Variants in RPH3A observed in about 807,000 individuals in gnomAD.
The protein encoded by RPH3A is rabphilin-3A.
RPH3A carries 48 observed loss-of-function variants against 102.2 expected under a neutral mutation model. The ratio of observed to expected loss-of-function variants is 0.47; its 90% CI spans 0.37 to 0.60. The LOEUF (loss-of-function observed/expected upper bound fraction) is 0.60. Among genes scored for constraint, RPH3A ranks in the 20% least tolerant of loss-of-function variants. The pLI, the probability that RPH3A is intolerant of heterozygous loss-of-function variation, is 0.00. For missense variants in RPH3A, 781 were observed against 910.1 expected (o/e 0.86, Z 1.83); for synonymous variants, 310 against 324.3 (o/e 0.96, Z 0.47).
chr12:112,750,806 G>T (rs1300803611), intron 1 of RPH3A, among the ~76,000 whole-genome samples: 2 of 152,158 alleles, frequency 1.3e-5, no homozygotes. Flanking sequence ...ATGGGTTCAG[G>T]GGGAGCACAT....
chr12:112,661,272 GA>G (rs2040047035), intron 1 of RPH3A, among the ~76,000 whole-genome samples: 1 of 152,132 alleles, frequency 6.6e-6, no homozygotes, highest in Non-Finnish European at 1.5e-5. Flanking sequence ...GTGCAAAATA[GA>G]AGTGTGGGAT....
intron 2 of RPH3A, among the ~76,000 whole-genome samples, chr12:112,812,428 A>G (rs573078270): frequency 2.6e-5 from 4 of 152,238 alleles, no homozygotes; most frequent in Non-Finnish European, 5.9e-5. Context: ...AAATACATTA[A>G]AAATTCAGAG....
chr12:112,863,077 AC>A (rs941068703), intron 5 of RPH3A, among the ~76,000 whole-genome samples: 9 of 150,702 alleles, frequency 6.0e-5, no homozygotes, highest in Non-Finnish European at 1.0e-4. Context: ...GTGGGAAGTG[AC>A]CCCCCCAAAA....
intron 21 of RPH3A, 98 bp downstream of exon 21, chr12:112,895,971 C>G (rs2043172955): frequency 1.3e-6 from 1 of 777,056 alleles, no homozygotes; most frequent in Admixed American, 2.1e-5. Context: ...CATTGCTATT[C>G]TTTTGGCAAC....
chr12:112,829,228 G>A (rs1321558381), intron 3 of RPH3A, among the ~76,000 whole-genome samples: 1 of 152,066 alleles, frequency 6.6e-6, no homozygotes, highest in African/African-American at 2.4e-5. Flanking sequence ...AAGAATAAAT[G>A]TCAGGATGTA....
intron 1 of RPH3A, among the ~76,000 whole-genome samples, chr12:112,738,421 T>G (rs2040684332): frequency 6.6e-6 from 1 of 152,158 alleles, no homozygotes; most frequent in Non-Finnish European, 1.5e-5. Flanking sequence ...TCATCTTAAC[T>G]AATGACATCT....
intron 1 of RPH3A, among the ~76,000 whole-genome samples, chr12:112,693,794 C>A (rs975730168): frequency 6.6e-6 from 1 of 152,186 alleles, no homozygotes; most frequent in African/African-American, 2.4e-5. Context: ...ATGCTTACTG[C>A]CACCTAAAAT....
rs376258934 is a variant in RPH3A, at chr12:112,832,351, A to G, written c.71+3962A>G. Among the ~76,000 whole-genome samples, 3 of 152,202 alleles carry G rather than the reference A, an allele frequency of 2.0e-5. No homozygotes were observed. In the South Asian group the frequency reaches 6.2e-4, roughly 32 times the overall value. On this transcript the variant is annotated intron_variant, in intron 3 of 21. Coordinates refer to ENST00000389385, the MANE Select transcript of RPH3A (RefSeq NM_001143854.2). ...TTTAATATCTTCTTCACCATTTTTA[A>G]TCTCTTGCCTCTTGCTTGTTTTCAA...
chr12:112,723,710 C>T (rs1041675701), intron 1 of RPH3A, among the ~76,000 whole-genome samples: 1 of 152,182 alleles, frequency 6.6e-6, no homozygotes. Flanking sequence ...ATACTGTTCA[C>T]TTGGAGATGA....
At chr12:112,886,578 G>T (rs1299068206) in intron 16 of RPH3A, among the ~76,000 whole-genome samples, 1 of 152,086 alleles carries the variant, frequency 6.6e-6, no homozygotes, top group Non-Finnish European at 1.5e-5. Context: ...TTCCTAACAG[G>T]CCACAGACTG....
chr12:112,772,561 G>A (rs1358124489), intron 1 of RPH3A, among the ~76,000 whole-genome samples: 2 of 152,108 alleles, frequency 1.3e-5, no homozygotes, highest in African/African-American at 4.8e-5. Context: ...AATGACTTTT[G>A]TACCAATCAC....
At chr12:112,592,031 C>T (rs938806271) in intron 1 of RPH3A, among the ~76,000 whole-genome samples, 7 of 152,060 alleles carry the variant, frequency 4.6e-5, no homozygotes, top group African/African-American at 9.7e-5. Flanking sequence ...TAAATCACTT[C>T]GAGATTATTT....
At chr12:112,811,526 G>T in intron 2 of RPH3A, among the ~76,000 whole-genome samples, 1 of 146,854 alleles carries the variant, frequency 6.8e-6, no homozygotes. Context: ...GCACTAAATA[G>T]AACCCCCCCC....
At chr12:112,891,313 GC>G in intron 19 of RPH3A, 1 of 319,016 alleles carries the variant, frequency 3.1e-6, no homozygotes, top group Non-Finnish European at 5.9e-6. Context: ...CCAGGAGTTG[GC>G]CGCACACCCC....
At chr12:112,820,110 G>C (rs1182595605) in intron 2 of RPH3A, among the ~76,000 whole-genome samples, 2 of 152,298 alleles carry the variant, frequency 1.3e-5, no homozygotes, top group East Asian at 3.9e-4. Context: ...TCCTGAGCTG[G>C]GGGAGAAAGA....
At chr12:112,863,923 G>A (rs1169054611) in intron 5 of RPH3A, among the ~76,000 whole-genome samples, 5 of 152,354 alleles carry the variant, frequency 3.3e-5, no homozygotes, top group Middle Eastern at 3.4e-3. Context: ...CTACAGCCTA[G>A]GCACTGATCC....
chr12:112,876,541 C>T (rs1593115863), intron 12 of RPH3A, 101 bp from the exon 13 acceptor site: 7 of 828,660 alleles, frequency 8.4e-6, no homozygotes, highest in Admixed American at 2.9e-5. Context: ...CCACTGATTC[C>T]GGGTGAAGCC....
At chr12:112,867,257 C>T (rs2042627189) in intron 7 of RPH3A, among the ~76,000 whole-genome samples, 2 of 152,044 alleles carry the variant, frequency 1.3e-5, no homozygotes, top group South Asian at 4.2e-4. Flanking sequence ...CTCACATCTT[C>T]ACACCCTTTT....
intron 2 of RPH3A, among the ~76,000 whole-genome samples, chr12:112,809,137 T>C (rs2041523733): frequency 1.3e-5 from 2 of 152,192 alleles, no homozygotes; most frequent in Non-Finnish European, 1.5e-5. Flanking sequence ...ATCTGTATAA[T>C]GGACCCTAAA....
Sources: allele counts gnomAD v4.1 joint callset (sites outside exome capture counted in the v4.1 genomes callset), GRCh38; gene constraint gnomAD v4.1.1; transcripts MANE v1.5; gene names NCBI Gene and HGNC (gene_info 2026-07-23, HGNC 2026-07-21).